Variants in SPTLC2 observed in about 807,000 individuals in gnomAD.
SPTLC2 encodes the protein serine palmitoyltransferase 2.
Under a neutral mutation model 62.0 loss-of-function variants are expected in SPTLC2, and 21 were observed. The observed-to-expected ratio is 0.34, with a 90% CI of 0.24 to 0.49. The LOEUF (loss-of-function observed/expected upper bound fraction) is 0.49, where lower values mean the gene tolerates loss of function less well. Ranked by LOEUF, SPTLC2 falls within the 20% of genes least tolerant of loss-of-function variation. SPTLC2 has a pLI of 0.99. For synonymous variants in SPTLC2, 261 were observed against 261.8 expected, an observed-to-expected ratio of 1.00 and a Z score of 0.03; for missense variants, 511 against 713.0, an observed-to-expected ratio of 0.72 and a Z score of 3.23.
Position 77,529,642 on chromosome 14 carries a change from T to G in SPTLC2, c.1304-8061A>C, listed in dbSNP as rs1344003846. On this transcript the variant is annotated intron_variant, in intron 9 of 11. Coordinates refer to ENST00000216484, the MANE Select transcript of SPTLC2 (RefSeq NM_004863.4). ...TTTCTTTTTTTTTTTTTTTTTTTTT[T>G]GAGACAGAGTCATTCTGTCGCCCAG... Among the ~76,000 whole-genome samples, 8 of 95,010 alleles carry G rather than the reference T, an allele frequency of 8.4e-5. No homozygotes were observed. In the South Asian group the frequency reaches 1.3e-3, roughly 16 times the overall value. The allele number at this position is 95,010 out of a possible 152,430, so 62.3% of individuals were successfully genotyped here.
At chr14:77,549,284 T>A (rs1409039847) in intron 9 of SPTLC2, among the ~76,000 whole-genome samples, 1 of 150,968 alleles carries the variant, frequency 6.6e-6, no homozygotes, top group Non-Finnish European at 1.5e-5. Context: ...GGAGGTGGAA[T>A]CTAGTTCCCC....
At chr14:77,536,508 A>G (rs554888195) in intron 9 of SPTLC2, among the ~76,000 whole-genome samples, 2 of 152,200 alleles carry the variant, frequency 1.3e-5, no homozygotes, top group African/African-American at 4.8e-5. Context: ...TTTAGTATAG[A>G]GTTCTGCACC....
rs147473382 is a variant in SPTLC2 at position 77,592,683 on chromosome 14, A to G, written c.327+4503T>C. Among the ~76,000 whole-genome samples, 182 of 152,058 alleles carry G rather than the reference A, an allele frequency of 1.2e-3. 7 individuals carry two copies. The East Asian group carries it at 0.028, about 23-fold the overall frequency. ...CGCATCACAATGGCTTGTTGTACAG[A>G]TTATTTTGTCACCCAGGTACTAAGC... On this transcript the variant is annotated intron_variant, in intron 2 of 11. Coordinates refer to ENST00000216484, the MANE Select transcript of SPTLC2 (RefSeq NM_004863.4).
At position 77,579,098 on chromosome 14, in the gene SPTLC2, T is replaced by C. The variant is rs952500033; in HGVS notation, c.339A>G (p.Ser113=). The C allele has an allele frequency of 1.2e-6, 2 of 1,613,972 alleles. No homozygotes were observed. Among genetic ancestry groups the C allele is most frequent in the Non-Finnish European group, 1.7e-6 (2 of 1,179,988 alleles). Residue 113 remains serine, a synonymous_variant, in exon 3 of 12, where the codon TCA becomes TCG. Coordinates refer to ENST00000216484, the MANE Select transcript of SPTLC2 (RefSeq NM_004863.4). ...TEREEQKDFV[S]LYQDFENFYT... The stretch of plus-strand genomic sequence containing the variant: ...AAAAGTTTTCAAAATCTTGATACAA[T>C]GACACAAAGTCCTGCCAAGAAATGG...
chr14:77,594,900 C>T (rs2079838478), intron 2 of SPTLC2, among the ~76,000 whole-genome samples: 1 of 152,186 alleles, frequency 6.6e-6, no homozygotes, highest in South Asian at 2.1e-4. Flanking sequence ...TCGGTCATAA[C>T]TGCCATCAAC....
At chr14:77,514,903 A>G (rs1479175319) in intron 11 of SPTLC2, among the ~76,000 whole-genome samples, 1 of 152,142 alleles carries the variant, frequency 6.6e-6, no homozygotes, top group African/African-American at 2.4e-5. Context: ...TAAGTTATGT[A>G]GTCTTTGTTT....
chr14:77,530,386 C>T (rs1024510727), intron 9 of SPTLC2, among the ~76,000 whole-genome samples: 31 of 152,064 alleles, frequency 2.0e-4, no homozygotes, highest in Admixed American at 1.6e-3. Context: ...TGGAGTGCAG[C>T]GGCACGATCT....
intron 2 of SPTLC2, among the ~76,000 whole-genome samples, chr14:77,582,789 G>T (rs1337109491): frequency 6.6e-6 from 1 of 152,214 alleles, no homozygotes; most frequent in East Asian, 1.9e-4. Context: ...GGGACCAAAA[G>T]CGGGTGGCAT....
At chr14:77,589,662 T>C (rs374617018) in intron 2 of SPTLC2, among the ~76,000 whole-genome samples, 81 of 152,076 alleles carry the variant, frequency 5.3e-4, no homozygotes, top group African/African-American at 1.9e-3. Context: ...TTATGGCAGA[T>C]GCCTGTAATC....
rs2079304054 is a variant in SPTLC2, at chr14:77,506,195, G to A, written c.*6089C>T. The A allele has an allele frequency of 6.6e-6, 1 of 152,136 alleles. No individual in the cohort carries two copies. The highest frequency in any genetic ancestry group is 2.4e-5 in the African/African-American group (1 of 41,416). The allele number at this position is 152,136 out of a possible 1,614,324, so 9.4% of individuals were successfully genotyped here. ...AAAAAATCATCATCTGGCAAAAAAGGGAAACAGGGTAAGAGAGAGTGACAT... is the reference window on the plus strand; with the variant it reads ...AAAAAATCATCATCTGGCAAAAAAGAGAAACAGGGTAAGAGAGAGTGACAT... On this transcript the variant is annotated 3_prime_UTR_variant, in exon 12 of 12. Coordinates refer to ENST00000216484, the MANE Select transcript of SPTLC2 (RefSeq NM_004863.4).
intron 10 of SPTLC2, 65 bp from the exon 11 acceptor site, chr14:77,518,232 G>A: frequency 6.2e-7 from 1 of 1,603,644 alleles, no homozygotes; most frequent in South Asian, 1.1e-5. Context: ...CAGAGGACCT[G>A]CTGTCCTCAA....
intron 2 of SPTLC2, among the ~76,000 whole-genome samples, chr14:77,587,935 T>C (rs1018915306): frequency 6.6e-6 from 1 of 151,974 alleles, no homozygotes; most frequent in African/African-American, 2.4e-5. Flanking sequence ...TTTGTTGTTG[T>C]TGTTGTTGTT....
intron 10 of SPTLC2, among the ~76,000 whole-genome samples, chr14:77,519,637 G>C (rs1469910384): frequency 2.0e-5 from 3 of 152,104 alleles, no homozygotes; most frequent in Admixed American, 6.5e-5. Flanking sequence ...AGATTTGCTT[G>C]AACCTGGGAG....
rs2079306496 is a variant in SPTLC2 at position 77,506,597 on chromosome 14, CTTAATG to C, written c.*5681_*5686del. ...GCTTCACATCACTGAGGTAACAAGA[CTTAATG>C]TTAAGGGTAAAGACACCACGCCACC... On this transcript the variant is annotated 3_prime_UTR_variant, in exon 12 of 12. Transcript: ENST00000216484. The C allele has an allele frequency of 6.6e-6, 1 of 152,192 alleles. No homozygotes were observed. Among genetic ancestry groups the C allele is most frequent in the Non-Finnish European group, 1.5e-5 (1 of 68,042 alleles). The allele number at this position is 152,192 out of a possible 1,614,324, so 9.4% of individuals were successfully genotyped here.
At position 77,557,098 on chromosome 14, in the gene SPTLC2, T is replaced by C. The variant is rs375502150; in HGVS notation, c.899A>G (p.Gln300Arg). ...KLLKDAIVYGQPRTRRPWKKI... is the reference protein window; with the variant it reads ...KLLKDAIVYGRPRTRRPWKKI... ...CTTCCAGGGCCTTCGTGTCCGAGGC[T>C]GACCATAAACAATGGCATCTTTCAA... The change falls in exon 7 of 12, where the codon CAG becomes CGG. Residue 300 changes from glutamine (Q) to arginine (R), a missense_variant. By Grantham distance (43) the Gln-to-Arg change is conservative. Transcript: ENST00000216484. 1 of 1,613,878 alleles carries C rather than the reference T, an allele frequency of 6.2e-7. No individual in the cohort carries two copies. Among genetic ancestry groups the C allele is most frequent in the Non-Finnish European group, 8.5e-7 (1 of 1,180,048 alleles).
chr14:77,614,762 G>C (rs1238825640), intron 1 of SPTLC2, among the ~76,000 whole-genome samples: 1 of 151,454 alleles, frequency 6.6e-6, no homozygotes, highest in Admixed American at 6.6e-5. Context: ...CCTGAGGTCA[G>C]GAGTTCGAGA....
intron 11 of SPTLC2, among the ~76,000 whole-genome samples, chr14:77,515,767 T>C (rs978736869): frequency 1.2e-4 from 18 of 152,144 alleles, no homozygotes; most frequent in Admixed American, 7.2e-4. Flanking sequence ...GCAAGGCTGA[T>C]CTCAAACGCC....
intron 1 of SPTLC2, among the ~76,000 whole-genome samples, chr14:77,608,872 C>A (rs926724985): frequency 6.6e-6 from 1 of 150,606 alleles, no homozygotes; most frequent in East Asian, 1.9e-4. Context: ...GAGCCGAGAT[C>A]ACATCACTGC....
At position 77,512,245 on chromosome 14, in the gene SPTLC2, G is replaced by C; in HGVS notation, c.*39C>G. On this transcript the variant is annotated 3_prime_UTR_variant, in exon 12 of 12. Coordinates refer to ENST00000216484, the MANE Select transcript of SPTLC2 (RefSeq NM_004863.4). ...GCTCACAAAGGCCACAGGCTGTCCT[G>C]GGTGAGGGAGAGTTCCTCTGAGGGA... The C allele has an allele frequency of 1.2e-6, 2 of 1,612,692 alleles. No individual in the cohort carries two copies. The highest frequency in any genetic ancestry group is 1.7e-6 in the Non-Finnish European group (2 of 1,179,924).
Sources: gnomAD v4.1 joint callset for allele counts (sites outside exome capture counted in the v4.1 genomes callset) on GRCh38, gnomAD v4.1.1 for gene constraint, MANE v1.5 for transcripts, NCBI Gene and HGNC (gene_info 2026-07-23, HGNC 2026-07-21) for gene names.